The following ZCCHC2 variants were observed in gnomAD, a reference collection of about 807,000 sequenced individuals.
ZCCHC2 encodes the protein zinc finger CCHC-type containing 2.
ZCCHC2 carries 39 observed loss-of-function variants against 103.6 expected under a neutral mutation model. That is an observed-to-expected ratio of 0.38 (90% CI 0.29 to 0.49). The LOEUF (loss-of-function observed/expected upper bound fraction) is 0.49. Ranked by LOEUF, ZCCHC2 falls within the 20% of genes least tolerant of loss-of-function variation. ZCCHC2 has a pLI of 0.96. For missense variants in ZCCHC2, 1,483 were observed against 1,491.0 expected (o/e 0.99, Z 0.09); for synonymous variants, 687 against 608.9 (o/e 1.13, Z -1.89).
chr18:62,575,730 C>T (rs181631826), intron 13 of ZCCHC2, among the ~76,000 whole-genome samples, 180 bp downstream of exon 13: 9 of 152,114 alleles, frequency 5.9e-5, no homozygotes, highest in Non-Finnish European at 1.2e-4. Flanking sequence ...CCAGGTCACA[C>T]AGAGCACAAG....
intron 3 of ZCCHC2, among the ~76,000 whole-genome samples, chr18:62,543,231 C>T (rs934691835): frequency 3.9e-5 from 6 of 152,146 alleles, no homozygotes; most frequent in Non-Finnish European, 7.4e-5. Context: ...TCTCCAAAGG[C>T]ATTGCTTGCC....
chr18:62,572,983 A>C (rs1916651763), intron 12 of ZCCHC2, among the ~76,000 whole-genome samples: 1 of 152,152 alleles, frequency 6.6e-6, no homozygotes, highest in South Asian at 2.1e-4. Flanking sequence ...TTCTAATATA[A>C]ATTAAAATCA....
At chr18:62,575,628 CT>C (rs1291985319) in intron 13 of ZCCHC2, 78 bp downstream of exon 13, 1 of 1,477,908 alleles carries the variant, frequency 6.8e-7, no homozygotes, top group African/African-American at 1.4e-5. Flanking sequence ...TCATGGGATT[CT>C]GTTGTAGCAG....
In ZCCHC2 at chr18:62,527,237, C is replaced by CT. The variant is rs574834949; in HGVS notation, c.939+2876dup. Among the ~76,000 whole-genome samples, 306 of 151,854 alleles carry CT rather than the reference C, an allele frequency of 2.0e-3. 2 individuals carry two copies. The highest frequency in any genetic ancestry group is 6.3e-3 in the African/African-American group (259 of 41,384). On this transcript the variant is annotated intron_variant, in intron 1 of 13. Coordinates refer to ENST00000269499, the MANE Select transcript of ZCCHC2 (RefSeq NM_017742.6). ...GTGCACCTGGCTCTCACAGGACTTC[C>CT]TTGTATCCAGTACTGAATCAGCTTG...
rs1568560316 is a variant in ZCCHC2, at chr18:62,575,524, AGTC to A, written c.3447_3449del (p.Ser1150del). The A allele has an allele frequency of 6.2e-7, 1 of 1,613,750 alleles. No individual in the cohort carries two copies. Among genetic ancestry groups the A allele is most frequent in the African/African-American group, 1.3e-5 (1 of 74,950 alleles). ...GGACACTATGCACAGGACTGTAAGC[AGTC>A]GTCCATGGAGGCCAATCAACAAGGT... On this transcript the variant is annotated inframe_deletion, in exon 13 of 14. Transcript: ENST00000269499.
chr18:62,537,962 A>AT lies in ZCCHC2; in HGVS notation c.940-1718dup, dbSNP rs1412044785. 3.9e-5 allele frequency among the ~76,000 whole-genome samples: 6 copies of AT among 152,312 alleles called. No individual in the cohort carries two copies. The East Asian group carries it at 1.2e-3, about 29-fold the overall frequency. ...GTCTTTTTTAATAATAGTCATCCTA[A>AT]TGGGTATAAAGTGGTATCTTCTTAT... On this transcript the variant is annotated intron_variant, in intron 1 of 13. Transcript: ENST00000269499.
At chr18:62,553,395 C>A (rs887287254) in intron 5 of ZCCHC2, among the ~76,000 whole-genome samples, 2 of 151,818 alleles carry the variant, frequency 1.3e-5, no homozygotes, top group Non-Finnish European at 2.9e-5. Context: ...TTAGTTGTTT[C>A]TAAATGTTTT....
At chr18:62,561,136 A>G (rs1221170083) in intron 8 of ZCCHC2, among the ~76,000 whole-genome samples, 1 of 152,140 alleles carries the variant, frequency 6.6e-6, no homozygotes, top group Non-Finnish European at 1.5e-5. Context: ...GCATCCACCT[A>G]TGATCATTTT....
At chr18:62,526,772 C>T (rs1302737248) in intron 1 of ZCCHC2, 2 of 152,064 alleles carry the variant, frequency 1.3e-5, no homozygotes, top group East Asian at 1.9e-4. Context: ...GATATAGGGT[C>T]CGTGGCGCGG....
chr18:62,554,340 T>G (rs1461996182), intron 5 of ZCCHC2, among the ~76,000 whole-genome samples: 1 of 152,250 alleles, frequency 6.6e-6, no homozygotes, highest in Non-Finnish European at 1.5e-5. Context: ...CTGCATTTAG[T>G]CTCAAATATG....
intron 1 of ZCCHC2, among the ~76,000 whole-genome samples, chr18:62,525,698 G>A (rs936880390): frequency 1.3e-5 from 2 of 151,896 alleles, no homozygotes; most frequent in Non-Finnish European, 2.9e-5. Flanking sequence ...GTTTTGGGAC[G>A]TATTTTATCA....
chr18:62,532,609 C>T (rs1914737007), intron 1 of ZCCHC2, among the ~76,000 whole-genome samples: 1 of 152,242 alleles, frequency 6.6e-6, no homozygotes, highest in Non-Finnish European at 1.5e-5. Flanking sequence ...ATGCCATTGT[C>T]TCTTGTATGA....
chr18:62,565,133 T>G, intron 11 of ZCCHC2, 37 bp downstream of exon 11: 1 of 1,437,296 alleles, frequency 7.0e-7, no homozygotes, highest in Non-Finnish European at 9.8e-7. Context: ...ACCCATCACA[T>G]AAATATATTC....
At chr18:62,530,325 C>T (rs1914625682) in intron 1 of ZCCHC2, among the ~76,000 whole-genome samples, 1 of 152,120 alleles carries the variant, frequency 6.6e-6, no homozygotes, top group African/African-American at 2.4e-5. Flanking sequence ...ATCCCTGAGT[C>T]TTACCTGTAA....
chr18:62,531,358 A>G (rs377581578), intron 1 of ZCCHC2, among the ~76,000 whole-genome samples: 1 of 152,200 alleles, frequency 6.6e-6, no homozygotes, highest in East Asian at 1.9e-4. Context: ...GGAACATTTG[A>G]CCTTTAGTTC....
intron 4 of ZCCHC2, among the ~76,000 whole-genome samples, chr18:62,548,976 T>C (rs1484008145): frequency 6.6e-6 from 1 of 151,308 alleles, no homozygotes; most frequent in Non-Finnish European, 1.5e-5. Context: ...TCCCAGCAAT[T>C]TGGGGGGTCA....
At chr18:62,580,511 T>C (rs1342434934), downstream of ZCCHC2, among the ~76,000 whole-genome samples, 1 of 146,884 alleles carries the variant, frequency 6.8e-6, no homozygotes, top group Non-Finnish European at 1.5e-5. Context: ...CGAGATGGTG[T>C]CACAGTGCTG....
At chr18:62,524,564 C>A in intron 1 of ZCCHC2, 1 of 749,270 alleles carries the variant, frequency 1.3e-6, no homozygotes, top group Non-Finnish European at 2.0e-6. Context: ...CCACCCCACA[C>A]CCCGGCAGAC....
At chr18:62,574,013 G>A in intron 12 of ZCCHC2, 44 bp from the exon 13 acceptor site, 1 of 1,548,710 alleles carries the variant, frequency 6.5e-7, no homozygotes, top group Non-Finnish European at 8.8e-7. Flanking sequence ...AGAAAGATGG[G>A]AGTTATGCCC....
Sources: gnomAD v4.1 joint callset for allele counts (sites outside exome capture counted in the v4.1 genomes callset) on GRCh38, gnomAD v4.1.1 for gene constraint, MANE v1.5 for transcripts, NCBI Gene and HGNC (gene_info 2026-07-23, HGNC 2026-07-21) for gene names.